The following MACROD2 variants were observed in gnomAD, a reference collection of about 807,000 sequenced individuals.
The protein encoded by MACROD2 is ADP-ribose glycohydrolase MACROD2.
A neutral mutation model predicts 70.4 loss-of-function variants in MACROD2; 36 were observed. The ratio of observed to expected loss-of-function variants is 0.51; its 90% CI spans 0.39 to 0.68. The LOEUF is 0.68. Among genes scored for constraint, MACROD2 ranks in the 30% least tolerant of loss-of-function variants. The pLI, the probability that MACROD2 is intolerant of heterozygous loss-of-function variation, is 0.00. For synonymous variants in MACROD2, 172 were observed against 178.8 expected (o/e 0.96, Z 0.30); for missense variants, 496 against 538.4 (o/e 0.92, Z 0.78).
intron 6 of MACROD2, among the ~76,000 whole-genome samples, chr20:15,331,074 T>A (rs2077986814): frequency 6.7e-6 from 1 of 148,462 alleles, no homozygotes; most frequent in South Asian, 2.2e-4. Context: ...TAGACAAGGT[T>A]GTTAATATTT....
intron 2 of MACROD2, among the ~76,000 whole-genome samples, chr20:14,080,491 A>G (rs2053977033): frequency 6.6e-6 from 1 of 151,952 alleles, no homozygotes. Context: ...CTCATAAAAA[A>G]TTCCAGTAAA....
chr20:15,426,593 G>A (rs1163547304), intron 6 of MACROD2, among the ~76,000 whole-genome samples: 1 of 152,004 alleles, frequency 6.6e-6, no homozygotes, highest in Admixed American at 6.6e-5. Flanking sequence ...TGATTTGTCT[G>A]CCTCGGCCTC....
chr20:15,611,325 C>T (rs1398876983), intron 8 of MACROD2, among the ~76,000 whole-genome samples: 1 of 152,158 alleles, frequency 6.6e-6, no homozygotes. Flanking sequence ...GGCAGAGTCA[C>T]GATTGGAAGC....
intron 3 of MACROD2, among the ~76,000 whole-genome samples, chr20:14,312,901 C>T (rs2082579682): frequency 6.6e-6 from 1 of 152,168 alleles, no homozygotes; most frequent in African/African-American, 2.4e-5. Flanking sequence ...TCCTGTACGC[C>T]AGAGTGGCAT....
At chr20:14,203,710 T>G (rs996934406) in intron 3 of MACROD2, among the ~76,000 whole-genome samples, 1 of 152,194 alleles carries the variant, frequency 6.6e-6, no homozygotes, top group African/African-American at 2.4e-5. Flanking sequence ...TAGTGGAGGC[T>G]GTGGTGAGGC....
At chr20:14,637,864 T>C (rs963713868) in intron 4 of MACROD2, among the ~76,000 whole-genome samples, 1 of 152,202 alleles carries the variant, frequency 6.6e-6, no homozygotes, top group African/African-American at 2.4e-5. Flanking sequence ...CAGTATTCTC[T>C]GGCAACATCA....
chr20:15,649,000 T>G (rs577688714), intron 8 of MACROD2, among the ~76,000 whole-genome samples: 9 of 151,956 alleles, frequency 5.9e-5, no homozygotes, highest in African/African-American at 2.2e-4. Flanking sequence ...GAATAGCTTG[T>G]TTTAGAAGCT....
In MACROD2 at chr20:14,750,917, A is replaced by T. The variant is rs1205794458; in HGVS notation, c.418+65958A>T. Among the ~76,000 whole-genome samples, 4 of 152,126 alleles carry T rather than the reference A, an allele frequency of 2.6e-5. No individual in the cohort carries two copies. The East Asian group carries it at 5.8e-4, about 22-fold the overall frequency. On this transcript the variant is annotated intron_variant, in intron 5 of 17. Coordinates refer to ENST00000684519, the MANE Select transcript of MACROD2 (RefSeq NM_001351661.2). ...GCTTTTACTTATTCCTCTCCATTTT[A>T]GTATTGTAATTTTTTAGCATTCTAT...
At chr20:15,926,826 G>A (rs529947851) in intron 10 of MACROD2, among the ~76,000 whole-genome samples, 4 of 152,310 alleles carry the variant, frequency 2.6e-5, no homozygotes, top group South Asian at 4.1e-4. Flanking sequence ...GAGAAACAAC[G>A]AGGGTCTCCA....
chr20:14,927,831 G>A (rs1156700593), intron 5 of MACROD2, among the ~76,000 whole-genome samples: 1 of 152,144 alleles, frequency 6.6e-6, no homozygotes, highest in Non-Finnish European at 1.5e-5. Flanking sequence ...ATTACTATAT[G>A]TAAAAAACAA....
chr20:15,939,303 A>G (rs1319898827), intron 12 of MACROD2, among the ~76,000 whole-genome samples: 2 of 152,180 alleles, frequency 1.3e-5, no homozygotes, highest in Non-Finnish European at 2.9e-5. Flanking sequence ...TTCAAAGGAC[A>G]GGCTGGCTCT....
intron 8 of MACROD2, among the ~76,000 whole-genome samples, chr20:15,531,685 G>C (rs1010045551): frequency 1.3e-5 from 2 of 152,144 alleles, no homozygotes; most frequent in African/African-American, 2.4e-5. Flanking sequence ...GAAACTAGGA[G>C]AGTCCAGTGC....
intron 3 of MACROD2, among the ~76,000 whole-genome samples, chr20:14,316,976 G>T (rs933413806): frequency 1.3e-5 from 2 of 151,942 alleles, no homozygotes; most frequent in South Asian, 4.2e-4. Context: ...AAAACTGCCC[G>T]TTTTCTTTCT....
intron 5 of MACROD2, among the ~76,000 whole-genome samples, chr20:14,761,829 T>G (rs1322974800): frequency 6.6e-6 from 1 of 152,150 alleles, no homozygotes; most frequent in Non-Finnish European, 1.5e-5. Context: ...AGCTCCTTAC[T>G]TTGCAATCTG....
intron 5 of MACROD2, among the ~76,000 whole-genome samples, chr20:15,137,047 A>C (rs1384182819): frequency 2.9e-4 from 43 of 149,846 alleles, no homozygotes; most frequent in Admixed American, 1.3e-3. Flanking sequence ...ATCATTAAAA[A>C]GTCAGGAAAC....
Position 14,215,539 on chromosome 20 carries a change from G to T in MACROD2, c.271+129811G>T, listed in dbSNP as rs557425251. On this transcript the variant is annotated intron_variant, in intron 3 of 17. Coordinates refer to ENST00000684519, the MANE Select transcript of MACROD2 (RefSeq NM_001351661.2). ...TAGGTACCCCCCCAGTAATGGGATT[G>T]CTGGATCAAATGGTAGTTCTGCTTT... 2.0e-5 allele frequency among the ~76,000 whole-genome samples: 3 copies of T among 152,248 alleles called. No individual in the cohort carries two copies. In the South Asian group the frequency reaches 6.2e-4, roughly 32 times the overall value.
chr20:15,355,902 TAAAC>T (rs373700177), intron 6 of MACROD2, among the ~76,000 whole-genome samples: 140 of 152,242 alleles, frequency 9.2e-4, no homozygotes, highest in African/African-American at 1.2e-3. Flanking sequence ...TATGATCTAA[TAAAC>T]AAACAAACAA....
At chr20:14,948,030 G>A (rs892784708) in intron 5 of MACROD2, among the ~76,000 whole-genome samples, 2 of 152,074 alleles carry the variant, frequency 1.3e-5, no homozygotes, top group Non-Finnish European at 2.9e-5. Flanking sequence ...CTGCTCCAGA[G>A]CAAGTATTTC....
chr20:15,726,208 C>T (rs1283671062), intron 8 of MACROD2, among the ~76,000 whole-genome samples: 1 of 152,044 alleles, frequency 6.6e-6, no homozygotes, highest in Non-Finnish European at 1.5e-5. Context: ...TACGTTAGTT[C>T]TCTTAGGATA....
Sources: gnomAD v4.1 joint callset for allele counts (sites outside exome capture counted in the v4.1 genomes callset) on GRCh38, gnomAD v4.1.1 for gene constraint, MANE v1.5 for transcripts, NCBI Gene and HGNC (gene_info 2026-07-23, HGNC 2026-07-21) for gene names.